The following RIOK3 variants were observed in gnomAD, a reference collection of about 807,000 sequenced individuals.
RIOK3 encodes serine/threonine-protein kinase RIO3.
RIOK3 carries 40 observed loss-of-function variants against 63.5 expected under a neutral mutation model. That is an observed-to-expected ratio of 0.63 (90% CI 0.49 to 0.82). RIOK3 has a LOEUF of 0.82. Among genes scored for constraint, RIOK3 ranks in the 40% least tolerant of loss-of-function variants. RIOK3 has a pLI of 0.00. For missense variants in RIOK3, 557 were observed against 637.0 expected (o/e 0.87, Z 1.35); for synonymous variants, 193 against 205.0 (o/e 0.94, Z 0.50).
intron 11 of RIOK3, among the ~76,000 whole-genome samples, chr18:23,477,738 G>T (rs2057502214): frequency 6.8e-6 from 1 of 146,490 alleles, no homozygotes; most frequent in African/African-American, 2.6e-5. Context: ...ACTCCACCCA[G>T]CCTGGGCAAC....
chr18:23,456,181 C>T (rs2057339881), intron 1 of RIOK3, among the ~76,000 whole-genome samples: 1 of 151,824 alleles, frequency 6.6e-6, no homozygotes, highest in African/African-American at 2.4e-5. Flanking sequence ...GTACCCCACC[C>T]CCTTCCGCCC....
rs1348145057 is a variant in RIOK3 at position 23,464,538 on chromosome 18, T to A, written c.453T>A (p.Pro151=). The part of the protein sequence containing the change: ...PYRPAKPVPT[P]KKGFIGKGKD... ...CTTTAGCAAAACCGGTTCCCACTCC[T>A]AAAAAGGGCTTTATTGGAAAAGGAA... The change falls in exon 5 of 13, where the codon CCT becomes CCA. Residue 151 remains proline, a synonymous_variant. Transcript: ENST00000339486. 1 of 1,603,876 alleles carries A rather than the reference T, an allele frequency of 6.2e-7. No homozygotes were observed. Among genetic ancestry groups the A allele is most frequent in the South Asian group, 1.1e-5 (1 of 88,548 alleles).
chr18:23,478,407 A>G (rs1322456987), intron 11 of RIOK3, among the ~76,000 whole-genome samples: 5 of 151,996 alleles, frequency 3.3e-5, no homozygotes, highest in Non-Finnish European at 7.4e-5. Context: ...TATCTCTACA[A>G]AAAAATTTAA....
chr18:23,474,795 C>G (rs756618404), intron 8 of RIOK3, among the ~76,000 whole-genome samples, 153 bp from the exon 9 acceptor site: 1 of 152,212 alleles, frequency 6.6e-6, no homozygotes, highest in Non-Finnish European at 1.5e-5. Flanking sequence ...TCTCTATGGG[C>G]AGAGGCTGTG....
intron 8 of RIOK3, 119 bp downstream of exon 8, chr18:23,473,745 C>A: frequency 1.4e-6 from 1 of 704,924 alleles, no homozygotes; most frequent in Non-Finnish European, 2.3e-6. Flanking sequence ...AGGTGTATAA[C>A]CTCGATTCAT....
chr18:23,457,032 T>A (rs1021512591), intron 1 of RIOK3, among the ~76,000 whole-genome samples: 15 of 152,204 alleles, frequency 9.9e-5, no homozygotes, highest in Non-Finnish European at 1.9e-4. Context: ...AGTGATGATG[T>A]CATCACATCT....
At chr18:23,473,357 A>G in intron 7 of RIOK3, 72 bp from the exon 8 acceptor site, 12 of 891,602 alleles carry the variant, frequency 1.3e-5, no homozygotes, top group Non-Finnish European at 2.1e-5. Context: ...GTGTTACAGA[A>G]TCTTTATTTT....
Position 23,466,216 on chromosome 18 carries a change from T to G in RIOK3, c.627T>G (p.His209Gln), listed in dbSNP as rs1415728035. 1.2e-6 allele frequency: 2 copies of G among 1,612,980 alleles called. No homozygotes were observed. The highest frequency in any genetic ancestry group is 1.7e-6 in the Non-Finnish European group (2 of 1,179,422). ...ATGTTTTCAATGCTTTAAAACAACA[T>G]GCCTACTCAGAAGAACGTCGAAGTG... Reference protein sequence around the residue: ...SNHVFNALKQHAYSEERRSAR... With the variant: ...SNHVFNALKQQAYSEERRSAR... The change falls in exon 6 of 13, where the codon CAT becomes CAG. Residue 209 changes from histidine to glutamine, a missense_variant. Physicochemically the swap from His to Gln is conservative, Grantham distance 24. Transcript: ENST00000339486.
chr18:23,456,646 G>A, intron 1 of RIOK3, among the ~76,000 whole-genome samples: 1 of 152,164 alleles, frequency 6.6e-6, no homozygotes, highest in Middle Eastern at 3.4e-3. Flanking sequence ...TCCCACCATG[G>A]CCTCCCAAAG....
chr18:23,457,569 C>T (rs890635129), intron 1 of RIOK3, among the ~76,000 whole-genome samples: 29 of 152,236 alleles, frequency 1.9e-4, no homozygotes, highest in Non-Finnish European at 2.2e-4. Context: ...AATACTAATG[C>T]AAGGTATTAA....
chr18:23,463,951 G>T lies in RIOK3; in HGVS notation c.180-16G>T. The stretch of plus-strand genomic sequence containing the variant: ...TAAGCACATTACATTAGTTTATATT[G>T]CCTTATTTTGAATAGTGTTGCTGAA... On this transcript the variant is annotated splice_polypyrimidine_tract_variant and intron_variant, in intron 2 of 12. Coordinates refer to ENST00000339486, the MANE Select transcript of RIOK3 (RefSeq NM_003831.5). 3.1e-6 allele frequency: 5 copies of T among 1,589,810 alleles called. No homozygotes were observed. Among genetic ancestry groups the T allele is most frequent in the Non-Finnish European group, 4.3e-6 (5 of 1,170,632 alleles).
At chr18:23,461,438 G>A (rs970871499) in intron 1 of RIOK3, among the ~76,000 whole-genome samples, 3 of 152,218 alleles carry the variant, frequency 2.0e-5, no homozygotes, top group Admixed American at 1.3e-4. Flanking sequence ...AAACTACCAA[G>A]ATTGAGAGCA....
intron 9 of RIOK3, among the ~76,000 whole-genome samples, chr18:23,476,177 G>A (rs1454657806): frequency 6.6e-6 from 1 of 152,118 alleles, no homozygotes; most frequent in African/African-American, 2.4e-5. Context: ...ACAGTAGGGA[G>A]TGCAGGTGTT....
intron 7 of RIOK3, among the ~76,000 whole-genome samples, chr18:23,471,706 A>T (rs2057457231): frequency 6.6e-6 from 1 of 152,152 alleles, no homozygotes; most frequent in African/African-American, 2.4e-5. Flanking sequence ...AGAGAACAGC[A>T]CACGCTGTTG....
chr18:23,466,841 A>G (rs1477217293), intron 6 of RIOK3, among the ~76,000 whole-genome samples: 13 of 150,814 alleles, frequency 8.6e-5, no homozygotes, highest in Non-Finnish European at 1.8e-4. Context: ...TCTCAGCAAA[A>G]GTTTTAAAAA....
rs975558798 is a variant in RIOK3 at position 23,481,945 on chromosome 18, C to T, written c.*666C>T. The T allele has an allele frequency of 2.0e-5, 3 of 152,144 alleles. No homozygotes were observed. The East Asian group carries it at 5.8e-4, about 29-fold the overall frequency. The allele number at this position is 152,144 out of a possible 1,614,324, so 9.4% of individuals were successfully genotyped here. On this transcript the variant is annotated 3_prime_UTR_variant, in exon 13 of 13. Transcript: ENST00000339486. ...GTTTCTGAAAGAGATAACTATATAA[C>T]AGCTTTTTAACTATCCAGTCAACTT...
rs1028325944 is a variant in RIOK3, at chr18:23,463,259, C to A, written c.179+180C>A. The A allele has an allele frequency of 1.2e-5, 6 of 491,874 alleles. No individual in the cohort carries two copies. In the South Asian group the frequency reaches 1.8e-4, roughly 15 times the overall value. The allele number at this position is 491,874 out of a possible 1,614,324, so 30.5% of individuals were successfully genotyped here. On this transcript the variant is annotated intron_variant, in intron 2 of 12. Coordinates refer to ENST00000339486, the MANE Select transcript of RIOK3 (RefSeq NM_003831.5). ...CATTGGTTTTCATTATTATCTTGGA[C>A]AAACCACTGTTTCTGTGGGTTTTAG...
chr18:23,472,228 G>C (rs2057461103), intron 7 of RIOK3, among the ~76,000 whole-genome samples: 1 of 140,990 alleles, frequency 7.1e-6, no homozygotes, highest in Admixed American at 7.5e-5. Flanking sequence ...GTGAGACTCT[G>C]TCTCAAAAAA....
At chr18:23,464,370 T>C (rs2057392355) in intron 4 of RIOK3, 57 bp downstream of exon 4, 2 of 1,289,874 alleles carry the variant, frequency 1.6e-6, no homozygotes, top group Admixed American at 4.4e-5. Context: ...AAGACTAATC[T>C]TTTCAATGAA....
Sources: allele counts gnomAD v4.1 joint callset (sites outside exome capture counted in the v4.1 genomes callset), GRCh38; gene constraint gnomAD v4.1.1; transcripts MANE v1.5; gene names NCBI Gene and HGNC (gene_info 2026-07-23, HGNC 2026-07-21).